The following RYR1 variants were observed in gnomAD, a reference collection of about 807,000 sequenced individuals.
RYR1 encodes central core disease of muscle.
Under a neutral mutation model 583.5 loss-of-function variants are expected in RYR1, and 342 were observed. That is an observed-to-expected ratio of 0.59 (90% CI 0.54 to 0.64). The LOEUF is 0.64. RYR1 is among the 30% of genes least tolerant of loss of function. The pLI is 0.00. For missense variants in RYR1, 6,032 were observed against 6,917.2 expected (o/e 0.87, Z 4.54); for synonymous variants, 2,791 against 2,822.5 (o/e 0.99, Z 0.35).
In RYR1 at chr19:38,574,293, GA is replaced by G. The variant is rs61299111; in HGVS notation, c.14129+998del. 4.3e-3 allele frequency among the ~76,000 whole-genome samples: 591 copies of G among 136,996 alleles called. 5 individuals carry two copies. Among genetic ancestry groups the G allele is most frequent in the Middle Eastern group, 7.5e-3 (2 of 268 alleles). 89.9% of individuals were successfully genotyped at this position (136,996 alleles called of 152,430 possible). On this transcript the variant is annotated intron_variant, in intron 96 of 105. Transcript: ENST00000359596. ...AAAAAAAAGGAAAAGAAAAAGAAAG[GA>G]AAAAAAAAAAAGAAAGAAAAGAAAT...
chr19:38,492,914 A>G lies in RYR1; in HGVS notation c.6274+278A>G, dbSNP rs573992104. On this transcript the variant is annotated intron_variant, in intron 38 of 105. Coordinates refer to ENST00000359596, the MANE Select transcript of RYR1 (RefSeq NM_000540.3). ...TGAAACCCCCTTCTCCACTAAAAAT[A>G]CAAAAATTAGCTGGGTGTGGCGGTG... 9.4e-4 allele frequency among the ~76,000 whole-genome samples: 143 copies of G among 152,250 alleles called. 1 individual carries two copies. Among genetic ancestry groups the G allele is most frequent in the Admixed American group, 5.8e-3 (88 of 15,286 alleles).
At chr19:38,448,284 A>C in intron 9 of RYR1, 71 bp from the exon 10 acceptor site, 5 of 1,512,790 alleles carry the variant, frequency 3.3e-6, no homozygotes, top group Non-Finnish European at 4.5e-6. Flanking sequence ...AAAGAAAAAG[A>C]AGAAAAGACT....
chr19:38,557,209 G>T (rs1286727424), intron 89 of RYR1, among the ~76,000 whole-genome samples: 6 of 151,124 alleles, frequency 4.0e-5, no homozygotes, highest in Non-Finnish European at 7.4e-5. Flanking sequence ...ATGAGCCACG[G>T]CGCCCAGCCT....
At chr19:38,526,915 G>C in intron 71 of RYR1, 78 bp from the exon 72 acceptor site, 1 of 1,500,980 alleles carries the variant, frequency 6.7e-7, no homozygotes, top group South Asian at 1.1e-5. Context: ...TGGGGTGCTG[G>C]GCCTGGAAGG....
Position 38,560,361 on chromosome 19 carries a change from G to A in RYR1, c.12283-752G>A, listed in dbSNP as rs1457509031. 2.0e-5 allele frequency among the ~76,000 whole-genome samples: 3 copies of A among 147,498 alleles called. No homozygotes were observed. In the East Asian group the frequency reaches 6.2e-4, roughly 30 times the overall value. On this transcript the variant is annotated intron_variant, in intron 89 of 105. Coordinates refer to ENST00000359596, the MANE Select transcript of RYR1 (RefSeq NM_000540.3). The stretch of plus-strand genomic sequence containing the variant: ...AGCCTGGGTGAAAGAGTGAGACCCT[G>A]TCTCAGAAAAAAAAAACAAAAACAA...
chr19:38,494,762 C>T (rs1049525640), intron 39 of RYR1, 137 bp downstream of exon 39: 2 of 1,063,050 alleles, frequency 1.9e-6, no homozygotes, highest in South Asian at 2.8e-5. Context: ...AGCTCACCTC[C>T]TGGGTAATGT....
rs997391781 is a variant in RYR1 at position 38,444,767 on chromosome 19, A to G, written c.631+90A>G. The G allele has an allele frequency of 7.3e-5, 72 of 991,896 alleles. No individual in the cohort carries two copies. The highest frequency in any genetic ancestry group is 1.0e-4 in the Non-Finnish European group (65 of 640,064). 61.4% of individuals were successfully genotyped at this position (991,896 alleles called of 1,614,324 possible). ...CAGGCATACCCAAATGGAGCCTTGGAACCTCAGACCTCAAACCTAGATCTC... is the reference window on the plus strand; with the variant it reads ...CAGGCATACCCAAATGGAGCCTTGGGACCTCAGACCTCAAACCTAGATCTC... On this transcript the variant is annotated intron_variant, in intron 7 of 105. Transcript: ENST00000359596. The surrounding 1 kb of genome is among the most constrained non-coding windows in gnomAD (Gnocchi z 5.1).
chr19:38,447,787 AG>A (rs1402687894), intron 9 of RYR1, among the ~76,000 whole-genome samples: 6 of 150,274 alleles, frequency 4.0e-5, no homozygotes, highest in Admixed American at 3.3e-4. Flanking sequence ...GGTTGCAGTG[AG>A]GTGAGATTGT....
rs1279447879 is a variant in RYR1 at position 38,490,638 on chromosome 19, A to G, written c.6033A>G (p.Gln2011=). ...TCCCCTAGATCAATATGCTATTGCA[A>G]TTCAAAGATGGTACAGATGAGGAAG... is the stretch of plus-strand genomic sequence containing the variant. ...PPQEQINMLL[Q]FKDGTDEEDC... is the part of the protein sequence containing the mutation. The change falls in exon 37 of 106, where the codon CAA becomes CAG. Residue 2011 remains glutamine (Q), a synonymous_variant. Transcript: ENST00000359596. The G allele has an allele frequency of 1.9e-6, 3 of 1,611,150 alleles. No individual in the cohort carries two copies. Among genetic ancestry groups the G allele is most frequent in the South Asian group, 2.2e-5 (2 of 91,030 alleles).
chr19:38,516,652 A>G (rs1390930964), intron 65 of RYR1, among the ~76,000 whole-genome samples: 1 of 152,180 alleles, frequency 6.6e-6, no homozygotes, highest in East Asian at 1.9e-4. Context: ...TGAGGGCATC[A>G]TCAAGCTTGG....
intron 25 of RYR1, 79 bp downstream of exon 25, chr19:38,467,891 C>T: frequency 7.3e-7 from 1 of 1,376,278 alleles, no homozygotes; most frequent in East Asian, 2.4e-5. Context: ...CTGCCTCTGT[C>T]TGTGCCTCAC....
rs181448739 is a variant in RYR1, at chr19:38,439,526, A to G, written c.46-1219A>G. Among the ~76,000 whole-genome samples, 76 of 150,342 alleles carry G rather than the reference A, an allele frequency of 5.1e-4. 1 individual carries two copies. Among genetic ancestry groups the G allele is most frequent in the African/African-American group, 1.7e-3 (69 of 40,704 alleles). On this transcript the variant is annotated intron_variant, in intron 1 of 105. Coordinates refer to ENST00000359596, the MANE Select transcript of RYR1 (RefSeq NM_000540.3). ...TTTTGGTTTTGTTTGTTTGTTTTTG[A>G]GATGGAGTCTCACTCTGTCACCCAG...
chr19:38,485,179 C>T (rs1600768592), intron 33 of RYR1, among the ~76,000 whole-genome samples: 2 of 152,148 alleles, frequency 1.3e-5, no homozygotes, highest in Admixed American at 1.3e-4. Flanking sequence ...ATCTTGGAAA[C>T]ATCAGATGTT....
intron 87 of RYR1, among the ~76,000 whole-genome samples, chr19:38,544,805 G>A (rs1023449642): frequency 2.6e-5 from 4 of 151,786 alleles, no homozygotes; most frequent in African/African-American, 9.7e-5. Flanking sequence ...TCCAAATCCT[G>A]CAGGGCTAAT....
At chr19:38,578,422 G>T (rs984167561) in intron 99 of RYR1, among the ~76,000 whole-genome samples, 1 of 152,240 alleles carries the variant, frequency 6.6e-6, no homozygotes, top group Middle Eastern at 3.4e-3. Flanking sequence ...ATTGGGTGTG[G>T]TGGCTCACGC....
chr19:38,513,746 AAAG>A (rs1248788085), intron 63 of RYR1, among the ~76,000 whole-genome samples: 2 of 152,122 alleles, frequency 1.3e-5, no homozygotes, highest in African/African-American at 4.8e-5. Flanking sequence ...AAAAAAAAAA[AAAG>A]AAAATTGTTA....
chr19:38,492,476 T>C lies in RYR1; in HGVS notation c.6128-14T>C, dbSNP rs745995901. The C allele has an allele frequency of 1.5e-5, 24 of 1,613,942 alleles. No individual in the cohort carries two copies. In the African/African-American group the frequency reaches 2.7e-4, roughly 18 times the overall value. On this transcript the variant is annotated splice_polypyrimidine_tract_variant and intron_variant, in intron 37 of 105. Coordinates refer to ENST00000359596, the MANE Select transcript of RYR1 (RefSeq NM_000540.3). Reference sequence around the variant, plus strand: ...CTAATGAATGACATTTCCCGCCTTCTTGACCACTTCCAGGAATTCAGCTAG... The same window carrying C: ...CTAATGAATGACATTTCCCGCCTTCCTGACCACTTCCAGGAATTCAGCTAG...
At chr19:38,497,782 T>A (rs1220509045) in intron 42 of RYR1, among the ~76,000 whole-genome samples, 1 of 152,056 alleles carries the variant, frequency 6.6e-6, no homozygotes, top group Admixed American at 6.6e-5. Flanking sequence ...AAGACCAGCC[T>A]GGACAATATA....
intron 84 of RYR1, 71 bp downstream of exon 84, chr19:38,538,031 A>C (rs1027911202): frequency 7.0e-7 from 1 of 1,424,238 alleles, no homozygotes; most frequent in Non-Finnish European, 9.9e-7. Context: ...TGACTGAATT[A>C]GTTTCCGCCC....
Sources: gnomAD v4.1 joint callset for allele counts (sites outside exome capture counted in the v4.1 genomes callset) on GRCh38, gnomAD v4.1.1 for gene constraint, Gnocchi (gnomAD v3.1) non-coding constraint, MANE v1.5 for transcripts, NCBI Gene and HGNC (gene_info 2026-07-23, HGNC 2026-07-21) for gene names.